Variants in RALY observed in about 807,000 individuals in gnomAD.
RALY encodes the protein RALY heterogeneous nuclear ribonucleoprotein.
Under a neutral mutation model 30.7 loss-of-function variants are expected in RALY, and 15 were observed. The ratio of observed to expected loss-of-function variants is 0.49; its 90% confidence interval spans 0.33 to 0.75. The LOEUF is 0.75. Among genes scored for constraint, RALY ranks in the 30% least tolerant of loss-of-function variants. RALY has a pLI of 0.02. For synonymous variants in RALY, 177 were observed against 170.8 expected, an observed-to-expected ratio of 1.04 and a Z score of -0.28; for missense variants, 339 against 414.3, an observed-to-expected ratio of 0.82 and a Z score of 1.58.
rs368442158 is a variant in RALY, at chr20:34,075,896, C to G, written c.400C>G (p.Leu134Val). The G allele has an allele frequency of 2.5e-6, 4 of 1,613,784 alleles. No individual in the cohort carries two copies. In the African/African-American group the frequency reaches 5.3e-5, roughly 22 times the overall value. Residue 134 changes from leucine to valine, a missense_variant, in exon 6 of 10, where the codon CTG (leucine) becomes GTG (valine). This residue lies in a region of RALY where 268 missense variants were observed against 280.6 expected (regional missense o/e 0.95). Transcript: ENST00000246194. Reference sequence around the variant, plus strand: ...CAGGCTCTTCGACTACCGGGGCCGTCTGTCGCCCGTGCCAGTGCCCAGGGC... The same window carrying G: ...CAGGCTCTTCGACTACCGGGGCCGTGTGTCGCCCGTGCCAGTGCCCAGGGC... ...YDRLFDYRGR[L>V]SPVPVPRAVP...
At chr20:34,032,129 AT>A (rs1170814652) in intron 2 of RALY, among the ~76,000 whole-genome samples, 6 of 151,986 alleles carry the variant, frequency 3.9e-5, no homozygotes, top group African/African-American at 1.4e-4. Flanking sequence ...TGCCTGGCTA[AT>A]TTTGTATTTT....
chr20:34,032,448 C>T (rs898889946), intron 2 of RALY, among the ~76,000 whole-genome samples: 6 of 152,110 alleles, frequency 3.9e-5, no homozygotes, highest in South Asian at 4.1e-4. Context: ...GAAGGAAAAT[C>T]AACGCATTAA....
chr20:34,048,802 G>C (rs971180724), intron 2 of RALY, among the ~76,000 whole-genome samples: 2 of 142,628 alleles, frequency 1.4e-5, no homozygotes, highest in African/African-American at 5.1e-5. Flanking sequence ...CTTGCAGTGA[G>C]CCGAGATCGC....
chr20:34,076,257 T>C (rs2033874393), intron 6 of RALY: 1 of 632,666 alleles, frequency 1.6e-6, no homozygotes, highest in East Asian at 2.9e-5. Flanking sequence ...GTGCTGGATA[T>C]GGTGCCCAGT....
chr20:34,079,891 C>G lies in RALY; in HGVS notation c.*5-19C>G, dbSNP rs2033997206. Reference sequence around the variant, plus strand: ...TCCTCTCAGCCTTAGTCTCTTCTTTCTCTCTCTCTCTTTCTCAGCCTGACA... The same window carrying G: ...TCCTCTCAGCCTTAGTCTCTTCTTTGTCTCTCTCTCTTTCTCAGCCTGACA... On this transcript the variant is annotated intron_variant, in intron 9 of 9. Transcript: ENST00000246194. 6.6e-6 allele frequency: 1 copy of G among 152,210 alleles called. No individual in the cohort carries two copies. Among genetic ancestry groups the G allele is most frequent in the Non-Finnish European group, 1.5e-5 (1 of 68,114 alleles). The allele number at this position is 152,210 out of a possible 1,614,324, so 9.4% of individuals were successfully genotyped here. A position where few individuals can be genotyped will look rare whatever the true frequency, so the allele number is the denominator to read the frequency against.
chr20:34,025,449 C>CCACCA (rs562704841), intron 1 of RALY, among the ~76,000 whole-genome samples: 14 of 152,038 alleles, frequency 9.2e-5, no homozygotes, highest in Non-Finnish European at 1.9e-4. Context: ...CAGGCATGCA[C>CCACCA]CACCACACCA....
chr20:34,054,860 A>T (rs1207124610), intron 2 of RALY, among the ~76,000 whole-genome samples: 1 of 152,032 alleles, frequency 6.6e-6, no homozygotes, highest in East Asian at 1.9e-4. Context: ...TTCCAGTTGT[A>T]CTTTATTGAT....
chr20:34,076,891 A>G (rs1201020545), intron 7 of RALY, 76 bp downstream of exon 7: 1 of 1,588,292 alleles, frequency 6.3e-7, no homozygotes, highest in Non-Finnish European at 8.6e-7. Context: ...TACATGGGAG[A>G]GAGGAGCTAG....
At chr20:34,037,508 C>G (rs532659801) in intron 2 of RALY, among the ~76,000 whole-genome samples, 2 of 152,262 alleles carry the variant, frequency 1.3e-5, no homozygotes, top group African/African-American at 4.8e-5. Context: ...AGATTTGATT[C>G]CATTAAATAA....
At chr20:34,008,417 T>C (rs1051628816) in intron 1 of RALY, among the ~76,000 whole-genome samples, 2 of 152,194 alleles carry the variant, frequency 1.3e-5, no homozygotes, top group African/African-American at 4.8e-5. Flanking sequence ...GTAATTTTGC[T>C]CTTTTGCAAA....
chr20:34,048,684 A>G (rs1042648947), intron 2 of RALY, among the ~76,000 whole-genome samples: 1 of 151,348 alleles, frequency 6.6e-6, no homozygotes, highest in Non-Finnish European at 1.5e-5. Context: ...GTGAAACTCC[A>G]TCTCCACTAA....
At chr20:34,047,128 A>G (rs1292808575) in intron 2 of RALY, among the ~76,000 whole-genome samples, 1 of 152,084 alleles carries the variant, frequency 6.6e-6, no homozygotes, top group Non-Finnish European at 1.5e-5. Context: ...CTTGACCTCT[A>G]TTCTTAATGT....
At chr20:34,053,383 ATTTTTT>A (rs60912814) in intron 2 of RALY, among the ~76,000 whole-genome samples, 149 of 54,136 alleles carry the variant, frequency 2.8e-3, no homozygotes, top group African/African-American at 9.7e-3. Context: ...ATGTTCAATA[ATTTTTT>A]TTTTTTTTTT....
intron 1 of RALY, among the ~76,000 whole-genome samples, chr20:33,994,852 T>C (rs1454279125): frequency 1.3e-5 from 2 of 152,248 alleles, no homozygotes; most frequent in South Asian, 2.1e-4. Flanking sequence ...TTAATGAGAC[T>C]TCACCCAGGA....
At chr20:33,997,251 A>T (rs558233065) in intron 1 of RALY, among the ~76,000 whole-genome samples, 2 of 152,230 alleles carry the variant, frequency 1.3e-5, no homozygotes, top group South Asian at 4.1e-4. Flanking sequence ...AGTAGCTGGG[A>T]CTACAGGCAT....
rs554414712 is a variant in RALY at position 34,082,860 on chromosome 20, G to A, written c.*2955G>A. On this transcript the variant is annotated 3_prime_UTR_variant, in exon 10 of 10. Transcript: ENST00000246194. ...AGGAGATGGTGATAAATGTGGTACCGGATTCTGCCTAAAGGATCAGTCTTT... is the reference window on the plus strand; with the variant it reads ...AGGAGATGGTGATAAATGTGGTACCAGATTCTGCCTAAAGGATCAGTCTTT... 7.9e-5 allele frequency: 12 copies of A among 152,330 alleles called. No homozygotes were observed. In the South Asian group the frequency reaches 1.0e-3, roughly 13 times the overall value. 9.4% of individuals were successfully genotyped at this position (152,330 alleles called of 1,614,324 possible).
At chr20:33,994,514 G>C (rs1040205054) in intron 1 of RALY, among the ~76,000 whole-genome samples, 4 of 152,362 alleles carry the variant, frequency 2.6e-5, no homozygotes, top group East Asian at 3.9e-4. Flanking sequence ...AGGCTGCTCC[G>C]GGGAGGCCGC....
At chr20:34,005,724 G>A (rs2031128681) in intron 1 of RALY, among the ~76,000 whole-genome samples, 1 of 152,118 alleles carries the variant, frequency 6.6e-6, no homozygotes, top group African/African-American at 2.4e-5. Context: ...TGTATTGATC[G>A]TGATCATACA....
At chr20:34,035,178 A>AAC (rs2032445269) in intron 2 of RALY, among the ~76,000 whole-genome samples, 2 of 142,510 alleles carry the variant, frequency 1.4e-5, no homozygotes, top group Admixed American at 6.9e-5. Context: ...AAAAAAAAAA[A>AAC]AAAAAAAAAC....
Sources: allele counts gnomAD v4.1 joint callset (sites outside exome capture counted in the v4.1 genomes callset), GRCh38; gene constraint gnomAD v4.1.1; regional missense constraint gnomAD v4.1.1; transcripts MANE v1.5; gene names NCBI Gene and HGNC (gene_info 2026-07-23, HGNC 2026-07-21).